The following ABCC4 variants were observed in gnomAD, a reference collection of about 807,000 sequenced individuals.
ABCC4 encodes ATP binding cassette subfamily C member 4 (PEL blood group), also known as ATP-binding cassette sub-family C member 4.
In ABCC4, 102 loss-of-function variants were observed where a neutral mutation model predicts 168.5. The observed-to-expected ratio is 0.61, with a 90% CI of 0.52 to 0.71. The LOEUF is 0.71. ABCC4 is among the 30% of genes least tolerant of loss of function. ABCC4 has a pLI of 0.00. For synonymous variants in ABCC4, 617 were observed against 590.7 expected (o/e 1.04, Z -0.65); for missense variants, 1,402 against 1,605.8 (o/e 0.87, Z 2.17).
intron 3 of ABCC4, among the ~76,000 whole-genome samples, chr13:95,241,088 G>C (rs992509511): frequency 6.6e-6 from 1 of 152,074 alleles, no homozygotes; most frequent in African/African-American, 2.4e-5. Flanking sequence ...TCATTGGCCA[G>C]GCACGATGGC....
chr13:95,154,441 G>A (rs2036792697), intron 19 of ABCC4, among the ~76,000 whole-genome samples: 1 of 152,154 alleles, frequency 6.6e-6, no homozygotes. Context: ...TGCTCTCAAG[G>A]AAGAAAAATC....
At chr13:95,300,765 T>C (rs1215209230) in intron 1 of ABCC4, among the ~76,000 whole-genome samples, 2 of 152,196 alleles carry the variant, frequency 1.3e-5, no homozygotes, top group East Asian at 1.9e-4. Flanking sequence ...TAAAGGAAAC[T>C]GTTCGTAAGC....
intron 16 of ABCC4, among the ~76,000 whole-genome samples, chr13:95,163,915 C>G (rs1048704083): frequency 2.0e-5 from 3 of 151,714 alleles, no homozygotes; most frequent in African/African-American, 7.3e-5. Context: ...GGCACATGTG[C>G]CTGTAGTCCC....
chr13:95,170,278 G>T, intron 14 of ABCC4: 1 of 369,802 alleles, frequency 2.7e-6, no homozygotes, highest in Non-Finnish European at 4.8e-6. Flanking sequence ...TCATGGAAGA[G>T]GTAAACAAAA....
intron 9 of ABCC4, among the ~76,000 whole-genome samples, chr13:95,188,891 T>A (rs957861275): frequency 4.0e-5 from 6 of 151,858 alleles, no homozygotes; most frequent in Non-Finnish European, 7.4e-5. Flanking sequence ...ATATATATAT[T>A]TTTTACTTTA....
chr13:95,086,097 G>GTGTGTGTGTA (rs1377687079), intron 20 of ABCC4, among the ~76,000 whole-genome samples: 1 of 151,484 alleles, frequency 6.6e-6, no homozygotes, highest in Non-Finnish European at 1.5e-5. Flanking sequence ...TTGTGTGTGT[G>GTGTGTGTGTA]TGTGTGTGTG....
chr13:95,142,569 A>G (rs913858347), intron 19 of ABCC4, among the ~76,000 whole-genome samples: 2 of 152,070 alleles, frequency 1.3e-5, no homozygotes, highest in Non-Finnish European at 2.9e-5. Context: ...CTGCTCCCCA[A>G]TAGCCTATGG....
intron 4 of ABCC4, among the ~76,000 whole-genome samples, chr13:95,230,824 G>C (rs2039598600): frequency 6.6e-6 from 1 of 152,110 alleles, no homozygotes; most frequent in Non-Finnish European, 1.5e-5. Flanking sequence ...AGAGATAATT[G>C]TACATTCGTG....
rs115791064 is a variant in ABCC4 at position 95,169,615 on chromosome 13, C to A, written c.1824+917G>T. ...GGTCAGCACCTTCACGTCACTGTACCTCAAGTCCCAGCGAGGCAACCCCAC... is the reference window on the plus strand; with the variant it reads ...GGTCAGCACCTTCACGTCACTGTACATCAAGTCCCAGCGAGGCAACCCCAC... On this transcript the variant is annotated intron_variant, in intron 14 of 30. Transcript: ENST00000645237. Among the ~76,000 whole-genome samples, 628 of 152,246 alleles carry A rather than the reference C, an allele frequency of 4.1e-3. 5 individuals carry two copies. The highest frequency in any genetic ancestry group is 0.014 in the African/African-American group (600 of 41,544).
At chr13:95,221,979 G>C (rs74105484) in intron 4 of ABCC4, among the ~76,000 whole-genome samples, 2,206 of 152,226 alleles carry the variant, frequency 0.014, 49 homozygotes, top group African/African-American at 0.051. Flanking sequence ...TAAATATACA[G>C]ATTTCCAGGC....
chr13:95,199,887 C>CAAA (rs2038575249), intron 8 of ABCC4, among the ~76,000 whole-genome samples: 1 of 152,200 alleles, frequency 6.6e-6, no homozygotes. Flanking sequence ...CCTCCCTTCC[C>CAAA]AAACCCTTCC....
At chr13:95,117,098 G>A (rs1288962472) in intron 19 of ABCC4, among the ~76,000 whole-genome samples, 1 of 152,144 alleles carries the variant, frequency 6.6e-6, no homozygotes, top group Non-Finnish European at 1.5e-5. Flanking sequence ...ACAAGTTGGA[G>A]CTGCACCTCA....
chr13:95,265,734 G>A (rs548315825), intron 1 of ABCC4, among the ~76,000 whole-genome samples: 19 of 152,284 alleles, frequency 1.2e-4, no homozygotes, highest in Middle Eastern at 3.4e-3. Flanking sequence ...AGGCACCTGT[G>A]GGCGTGTGTG....
intron 1 of ABCC4, among the ~76,000 whole-genome samples, chr13:95,261,934 CACA>C (rs1566579266): frequency 8.3e-6 from 1 of 120,744 alleles, no homozygotes; most frequent in Non-Finnish European, 1.8e-5. Context: ...CTTCTCTCCA[CACA>C]AAAAAAAAAA....
chr13:95,093,179 C>T (rs1337121015), intron 20 of ABCC4, among the ~76,000 whole-genome samples: 1 of 152,154 alleles, frequency 6.6e-6, no homozygotes, highest in African/African-American at 2.4e-5. Context: ...GGAACCCTCC[C>T]TAATTCATTC....
chr13:95,243,738 A>G (rs958598166), intron 3 of ABCC4, among the ~76,000 whole-genome samples: 8 of 152,070 alleles, frequency 5.3e-5, no homozygotes, highest in Non-Finnish European at 4.4e-5. Context: ...AATACAAAAA[A>G]TAAGCCAGGC....
chr13:95,034,513 A>G, intron 30 of ABCC4, 92 bp downstream of exon 30: 1 of 1,475,928 alleles, frequency 6.8e-7, no homozygotes, highest in East Asian at 2.3e-5. Flanking sequence ...TGAAAAGGGT[A>G]CACAGTGCTT....
intron 9 of ABCC4, among the ~76,000 whole-genome samples, chr13:95,189,768 T>C (rs564161230): frequency 6.6e-6 from 1 of 152,296 alleles, no homozygotes; most frequent in South Asian, 2.1e-4. Context: ...TGTATGTTCA[T>C]AGGTCAAAGT....
intron 26 of ABCC4, among the ~76,000 whole-genome samples, chr13:95,060,958 T>C (rs1176187233): frequency 5.3e-5 from 8 of 152,212 alleles, no homozygotes; most frequent in African/African-American, 1.9e-4. Flanking sequence ...CTCTGTGAAT[T>C]TGACTAGTCT....
Sources: allele counts gnomAD v4.1 joint callset (sites outside exome capture counted in the v4.1 genomes callset), GRCh38; gene constraint gnomAD v4.1.1; transcripts MANE v1.5; gene names NCBI Gene and HGNC (gene_info 2026-07-23, HGNC 2026-07-21).